Variants in BRWD1 observed in about 807,000 individuals in gnomAD.
The protein encoded by BRWD1 is bromodomain and WD repeat domain containing 1.
Under a neutral mutation model 251.2 loss-of-function variants are expected in BRWD1, and 82 were observed. The ratio of observed to expected loss-of-function variants is 0.33; its 90% CI spans 0.27 to 0.39. The LOEUF is 0.39. BRWD1 is among the 10% of genes least tolerant of loss of function. The pLI is 1.00. For synonymous variants in BRWD1, 918 were observed against 902.8 expected (o/e 1.02, Z -0.30); for missense variants, 2,233 against 2,711.6 (o/e 0.82, Z 3.92).
chr21:39,276,143 C>T (rs1246545674), intron 12 of BRWD1, 30 bp downstream of exon 12: 1 of 1,575,120 alleles, frequency 6.3e-7, no homozygotes, highest in Non-Finnish European at 8.7e-7. Flanking sequence ...CCTAATAACA[C>T]ACACACACAC....
intron 4 of BRWD1, among the ~76,000 whole-genome samples, chr21:39,299,311 G>C (rs560501452): frequency 9.9e-5 from 15 of 151,592 alleles, no homozygotes; most frequent in African/African-American, 3.1e-4. Context: ...CTTTGAGAGA[G>C]ATGTTAAGAT....
intron 23 of BRWD1, among the ~76,000 whole-genome samples, chr21:39,232,977 T>C (rs1400547189): frequency 6.6e-6 from 1 of 152,162 alleles, no homozygotes; most frequent in Non-Finnish European, 1.5e-5. Flanking sequence ...GGACTACACT[T>C]AATGACTCAC....
At chr21:39,293,553 T>A (rs1028857147) in intron 8 of BRWD1, among the ~76,000 whole-genome samples, 4 of 151,782 alleles carry the variant, frequency 2.6e-5, no homozygotes, top group African/African-American at 9.7e-5. Context: ...AAATAATTAA[T>A]CTATCACCAG....
intron 30 of BRWD1, 96 bp downstream of exon 30, chr21:39,218,409 A>G: frequency 1.1e-5 from 16 of 1,437,412 alleles, no homozygotes; most frequent in Non-Finnish European, 1.5e-5. Context: ...CAAAGTGTAG[A>G]AAAGAACAGA....
intron 4 of BRWD1, 72 bp from the exon 5 acceptor site, chr21:39,298,654 C>A: frequency 7.8e-7 from 1 of 1,285,962 alleles, no homozygotes; most frequent in South Asian, 1.9e-5. Flanking sequence ...AGGGATAAGT[C>A]TGGCAAAATG....
chr21:39,192,265 T>C lies in BRWD1; in HGVS notation c.*3994A>G, dbSNP rs1258170761. Reference sequence around the variant, plus strand: ...GCCCTTAGCATTACATACTTTACTTTTCAATCCTTACTATTCACAGTTTGA... The same window carrying C: ...GCCCTTAGCATTACATACTTTACTTCTCAATCCTTACTATTCACAGTTTGA... On this transcript the variant is annotated 3_prime_UTR_variant, in exon 41 of 41. Transcript: ENST00000342449. 6.2e-5 allele frequency: 19 copies of C among 306,744 alleles called. No individual in the cohort carries two copies. Among genetic ancestry groups the C allele is most frequent in the Admixed American group, 2.8e-4 (1 of 3,586 alleles). The allele number at this position is 306,744 out of a possible 1,614,324, so 19.0% of individuals were successfully genotyped here.
intron 21 of BRWD1, among the ~76,000 whole-genome samples, chr21:39,239,117 T>C (rs1377642114): frequency 6.6e-6 from 1 of 152,154 alleles, no homozygotes; most frequent in Admixed American, 6.5e-5. Context: ...ACTAATATTT[T>C]ATCCTGGTTT....
At chr21:39,204,795 A>T (rs145954892) in intron 37 of BRWD1, among the ~76,000 whole-genome samples, 198 of 152,270 alleles carry the variant, frequency 1.3e-3, no homozygotes, top group Non-Finnish European at 2.4e-3. Flanking sequence ...CACAACCTGG[A>T]TCCCTCGCAT....
chr21:39,281,216 C>G (rs2035446570), intron 8 of BRWD1, among the ~76,000 whole-genome samples: 1 of 152,038 alleles, frequency 6.6e-6, no homozygotes, highest in Admixed American at 6.6e-5. Flanking sequence ...GTAAAAACAC[C>G]AGAAGCAGCC....
In BRWD1 at chr21:39,312,849, C is replaced by T. The variant is rs1429732213; in HGVS notation, c.190G>A (p.Glu64Lys). The change falls in exon 4 of 41, where the codon GAG (glutamate) becomes AAG (lysine). Residue 64 changes from glutamate (E) to lysine (K), a missense_variant. This residue lies in a region of BRWD1 where 101 missense variants were observed against 95.6 expected (regional missense o/e 1.06). Coordinates refer to ENST00000342449, the MANE Select transcript of BRWD1 (RefSeq NM_033656.4). ...WEGNEHNRSY[E>K]ELVLSNKHVA... Reference sequence around the variant, plus strand: ...ACGTGCCCAATGCTCACCAACTCCTCGTAGCTCCTGTTGTGCTCGTTGCCC... The same window carrying T: ...ACGTGCCCAATGCTCACCAACTCCTTGTAGCTCCTGTTGTGCTCGTTGCCC... The T allele has an allele frequency of 3.2e-6, 5 of 1,583,556 alleles. No individual in the cohort carries two copies. The highest frequency in any genetic ancestry group is 3.4e-6 in the Non-Finnish European group (4 of 1,167,420).
At chr21:39,218,466 GAAAA>G (rs748656460) in intron 30 of BRWD1, 35 bp downstream of exon 30, 4 of 1,504,280 alleles carry the variant, frequency 2.7e-6, no homozygotes, top group South Asian at 2.6e-5. Context: ...GAAAAAAATT[GAAAA>G]AAAAACTTTT....
intron 8 of BRWD1, among the ~76,000 whole-genome samples, chr21:39,290,494 A>G (rs1457518139): frequency 1.3e-5 from 2 of 151,752 alleles, no homozygotes; most frequent in Non-Finnish European, 2.9e-5. Flanking sequence ...CCGTCTCAAA[A>G]AAAAAAAAAA....
Position 39,186,637 on chromosome 21 carries a change from C to G in BRWD1, c.*9622G>C, listed in dbSNP as rs1038550037. 1 of 155,442 alleles carries G rather than the reference C, an allele frequency of 6.4e-6. No individual in the cohort carries two copies. Among genetic ancestry groups the G allele is most frequent in the African/African-American group, 2.4e-5 (1 of 41,474 alleles). 9.6% of individuals were successfully genotyped at this position (155,442 alleles called of 1,614,324 possible). A position where few individuals can be genotyped will look rare whatever the true frequency, so the allele number is the denominator to read the frequency against. ...GAATTTTTACACTGTAATGGAGAAC[C>G]CTGAAAATTAGCATCAGGTTAAGAT... On this transcript the variant is annotated 3_prime_UTR_variant, in exon 41 of 41. Coordinates refer to ENST00000342449, the MANE Select transcript of BRWD1 (RefSeq NM_033656.4).
chr21:39,311,365 G>C (rs887353984), intron 4 of BRWD1, among the ~76,000 whole-genome samples: 11 of 152,030 alleles, frequency 7.2e-5, no homozygotes, highest in African/African-American at 2.4e-4. Context: ...GTGGAGACAA[G>C]AGTTGGTCTG....
chr21:39,234,232 T>G (rs1218692773), intron 23 of BRWD1, among the ~76,000 whole-genome samples: 1 of 152,160 alleles, frequency 6.6e-6, no homozygotes, highest in Non-Finnish European at 1.5e-5. Context: ...TTCCTGGCCC[T>G]GAAGAAGCTT....
Position 39,215,246 on chromosome 21 carries a change from T to A in BRWD1, c.3776A>T (p.Lys1259Ile). Residue 1259 changes from lysine (K) to isoleucine (I), a missense_variant, in exon 32 of 41, where the codon AAA (lysine) becomes ATA (isoleucine). Transcript: ENST00000342449. ...CTATGAAATTACTTACTTGATAAAT[T>A]TTAAAAGTTGGTCAGTTATCTTTTT... Reference protein sequence around the residue: ...SAKKITDQLLKFIKNQHCTNI... With the variant: ...SAKKITDQLLIFIKNQHCTNI... 1 of 1,611,350 alleles carries A rather than the reference T, an allele frequency of 6.2e-7. No individual in the cohort carries two copies. The highest frequency in any genetic ancestry group is 2.2e-5 in the East Asian group (1 of 44,824).
chr21:39,185,409 A>G (rs1427873005), downstream of BRWD1: 1 of 151,950 alleles, frequency 6.6e-6, no homozygotes, highest in African/African-American at 2.4e-5. Flanking sequence ...AATATTATAA[A>G]TTAAGTGTAA....
chr21:39,275,435 C>A (rs1568940980), intron 12 of BRWD1, among the ~76,000 whole-genome samples: 1 of 152,142 alleles, frequency 6.6e-6, no homozygotes, highest in East Asian at 1.9e-4. Flanking sequence ...TAGAAGCTGG[C>A]AGAAACTACA....
At chr21:39,214,953 C>G (rs1360893697) in intron 32 of BRWD1, among the ~76,000 whole-genome samples, 1 of 148,110 alleles carries the variant, frequency 6.8e-6, no homozygotes, top group Non-Finnish European at 1.5e-5. Flanking sequence ...ACGATCCACA[C>G]ACGATTGGGC....
Sources: allele counts gnomAD v4.1 joint callset (sites outside exome capture counted in the v4.1 genomes callset), GRCh38; gene constraint gnomAD v4.1.1; regional missense constraint gnomAD v4.1.1; transcripts MANE v1.5; gene names NCBI Gene and HGNC (gene_info 2026-07-23, HGNC 2026-07-21).